PITPNC1: variants seen among roughly 807,000 people sequenced by gnomAD.
The protein encoded by PITPNC1 is cytoplasmic phosphatidylinositol transfer protein 1.
In PITPNC1, 18 loss-of-function variants were observed where a neutral mutation model predicts 44.7. The observed-to-expected ratio is 0.40, with a 90% CI of 0.28 to 0.60. The LOEUF is 0.60. Among genes scored for constraint, PITPNC1 ranks in the 20% least tolerant of loss-of-function variants. The pLI is 0.39. For synonymous variants in PITPNC1, 141 were observed against 149.6 expected, an observed-to-expected ratio of 0.94 and a Z score of 0.42; for missense variants, 290 against 418.4, an observed-to-expected ratio of 0.69 and a Z score of 2.68.
intron 2 of PITPNC1, among the ~76,000 whole-genome samples, chr17:67,534,331 G>A (rs2040500558): frequency 6.6e-6 from 1 of 152,086 alleles, no homozygotes; most frequent in South Asian, 2.1e-4. Flanking sequence ...TTTGTGGTTA[G>A]ATGCCATATG....
intron 1 of PITPNC1, among the ~76,000 whole-genome samples, chr17:67,404,397 A>G (rs932111088): frequency 6.6e-6 from 1 of 152,246 alleles, no homozygotes; most frequent in Non-Finnish European, 1.5e-5. Flanking sequence ...AAATATGTCT[A>G]TCTAGACTGT....
chr17:67,556,759 GCCTT>G lies in PITPNC1; in HGVS notation c.294+3146_294+3149del, dbSNP rs547278522. Among the ~76,000 whole-genome samples, 219 of 152,334 alleles carry G rather than the reference GCCTT, an allele frequency of 1.4e-3. 1 individual carries two copies. The highest frequency in any genetic ancestry group is 5.0e-3 in the African/African-American group (207 of 41,566). ...ATGCACTGATGGGACCACTCCAAGA[GCCTT>G]CCTGCCTCAGTTAGGATTGGCTCAG... is the stretch of plus-strand genomic sequence containing the variant. On this transcript the variant is annotated intron_variant, in intron 4 of 8. Coordinates refer to ENST00000581322, the MANE Select transcript of PITPNC1 (RefSeq NM_012417.4).
rs1039810305 is a variant in PITPNC1, at chr17:67,597,396, A to G, written c.366+19139A>G. On this transcript the variant is annotated intron_variant, in intron 5 of 8. Transcript: ENST00000581322. The surrounding 1 kb of genome is among the most constrained non-coding windows in gnomAD (Gnocchi z 4.0). Reference sequence around the variant, plus strand: ...TGGCAAAACCCCATCTCCACTAAAAATACAAAAATTAGCCAGGCGCGGTGG... The same window carrying G: ...TGGCAAAACCCCATCTCCACTAAAAGTACAAAAATTAGCCAGGCGCGGTGG... Among the ~76,000 whole-genome samples, 1 of 152,094 alleles carries G rather than the reference A, an allele frequency of 6.6e-6. No homozygotes were observed.
intron 1 of PITPNC1, among the ~76,000 whole-genome samples, chr17:67,532,252 A>C (rs2040472095): frequency 6.6e-6 from 1 of 152,150 alleles, no homozygotes; most frequent in South Asian, 2.1e-4. Flanking sequence ...TGGAGCTTTG[A>C]AAAGCTTTCA....
intron 5 of PITPNC1, chr17:67,612,587 A>G (rs2041701025): frequency 6.6e-6 from 1 of 152,200 alleles, no homozygotes; most frequent in Admixed American, 6.5e-5. Flanking sequence ...CCATAAACTG[A>G]TATGTTCCAG....
At chr17:67,650,905 T>A (rs2144366551) in intron 6 of PITPNC1, among the ~76,000 whole-genome samples, 1 of 152,328 alleles carries the variant, frequency 6.6e-6, no homozygotes, top group Admixed American at 6.5e-5. Flanking sequence ...CACAGCTGCC[T>A]TTCAGTGCCT....
intron 6 of PITPNC1, among the ~76,000 whole-genome samples, chr17:67,662,415 C>T (rs1240763464): frequency 6.6e-6 from 1 of 152,122 alleles, no homozygotes. Context: ...GATTGTGCCA[C>T]TGCACTCTAA....
At chr17:67,592,032 A>T (rs2041399076) in intron 5 of PITPNC1, among the ~76,000 whole-genome samples, 4 of 152,078 alleles carry the variant, frequency 2.6e-5, no homozygotes, top group Admixed American at 2.0e-4. Context: ...TTTAAAATTA[A>T]AATTGAAAGA....
chr17:67,685,437 C>A (rs970331075), intron 8 of PITPNC1, among the ~76,000 whole-genome samples: 1 of 152,218 alleles, frequency 6.6e-6, no homozygotes, highest in Non-Finnish European at 1.5e-5. Flanking sequence ...AAACTCCTGG[C>A]AAATCTGCCC....
At chr17:67,524,386 A>G (rs1447323285) in intron 1 of PITPNC1, 1 of 152,106 alleles carries the variant, frequency 6.6e-6, no homozygotes, top group Admixed American at 6.6e-5. Context: ...TCAAGGCTGC[A>G]ATGAGCTACG....
rs2037889061 is a variant in PITPNC1 at position 67,377,478 on chromosome 17, C to G, written c.-677C>G. The G allele has an allele frequency of 6.5e-6, 1 of 153,230 alleles. No individual in the cohort carries two copies. The highest frequency in any genetic ancestry group is 1.9e-4 in the East Asian group (1 of 5,194). The allele number at this position is 153,230 out of a possible 1,614,324, so 9.5% of individuals were successfully genotyped here. On this transcript the variant is annotated 5_prime_UTR_variant, in exon 1 of 9. Transcript: ENST00000581322. The stretch of plus-strand genomic sequence containing the variant: ...GCCGAGGTTGGAGGCGCCCGGGGCC[C>G]CAGCCGGGCAGAGCCGAGCGGCGGC...
chr17:67,504,028 T>C (rs1415151900), intron 1 of PITPNC1, among the ~76,000 whole-genome samples: 1 of 152,106 alleles, frequency 6.6e-6, no homozygotes, highest in Admixed American at 6.5e-5. Flanking sequence ...GGCTGGCAGA[T>C]AGAAGGAACT....
At chr17:67,531,214 G>A (rs961596295) in intron 1 of PITPNC1, among the ~76,000 whole-genome samples, 1 of 152,164 alleles carries the variant, frequency 6.6e-6, no homozygotes, top group Admixed American at 6.5e-5. Flanking sequence ...CTGTAGTCCC[G>A]CCCGTGTGAC....
intron 1 of PITPNC1, among the ~76,000 whole-genome samples, chr17:67,448,118 G>A (rs2039126270): frequency 6.6e-6 from 1 of 151,890 alleles, no homozygotes; most frequent in South Asian, 2.1e-4. Flanking sequence ...GCTAATGTTG[G>A]TATTTTTAGT....
intron 1 of PITPNC1, among the ~76,000 whole-genome samples, chr17:67,471,212 T>TAA (rs150754373): frequency 0.018 from 1,671 of 94,202 alleles, 24 homozygotes; most frequent in Non-Finnish European, 0.027. Flanking sequence ...AAAAATAAAT[T>TAA]AAAAAAAAAA....
chr17:67,412,839 T>C (rs2038523840), intron 1 of PITPNC1, among the ~76,000 whole-genome samples: 1 of 152,262 alleles, frequency 6.6e-6, no homozygotes, highest in Non-Finnish European at 1.5e-5. Context: ...GTGTTGGGAT[T>C]ACAGGCGTGA....
At chr17:67,427,562 AGT>A (rs1374519616) in intron 1 of PITPNC1, among the ~76,000 whole-genome samples, 7 of 152,116 alleles carry the variant, frequency 4.6e-5, no homozygotes, top group Admixed American at 1.3e-4. Flanking sequence ...TCCTCACAAG[AGT>A]GAGTGAGCTG....
chr17:67,589,829 G>A (rs911274757), intron 5 of PITPNC1, among the ~76,000 whole-genome samples: 4 of 152,022 alleles, frequency 2.6e-5, no homozygotes, highest in South Asian at 2.1e-4. Flanking sequence ...ATAGCCAGAC[G>A]TCATGGCACA....
rs567412645 is a variant in PITPNC1 at position 67,497,502 on chromosome 17, C to A, written c.49-35300C>A. On this transcript the variant is annotated intron_variant, in intron 1 of 8. Coordinates refer to ENST00000581322, the MANE Select transcript of PITPNC1 (RefSeq NM_012417.4). Reference sequence around the variant, plus strand: ...TTTTTTCTATTACAAGTAAGATAAACCTGTGTCTCCATAAACTTGTTCGTG... The same window carrying A: ...TTTTTTCTATTACAAGTAAGATAAAACTGTGTCTCCATAAACTTGTTCGTG... Among the ~76,000 whole-genome samples, 22 of 144,552 alleles carry A rather than the reference C, an allele frequency of 1.5e-4. No individual in the cohort carries two copies. The South Asian group carries it at 4.5e-3, about 30-fold the overall frequency. 94.8% of individuals were successfully genotyped at this position (144,552 alleles called of 152,430 possible).
Sources: gnomAD v4.1 joint callset for allele counts (sites outside exome capture counted in the v4.1 genomes callset) on GRCh38, gnomAD v4.1.1 for gene constraint, Gnocchi (gnomAD v3.1) non-coding constraint, MANE v1.5 for transcripts, NCBI Gene and HGNC (gene_info 2026-07-23, HGNC 2026-07-21) for gene names.